LRFN2: variants seen among roughly 807,000 people sequenced by gnomAD.
LRFN2 encodes the protein leucine rich repeat and fibronectin type III domain containing 2.
Under a neutral mutation model 37.3 loss-of-function variants are expected in LRFN2, and 18 were observed. That is an observed-to-expected ratio of 0.48 (90% CI 0.33 to 0.72). The LOEUF is 0.72. LRFN2 is among the 30% of genes least tolerant of loss of function. The probability of loss-of-function intolerance (pLI) is 0.02; values close to 1 mark genes in which losing one functional copy is unlikely to be tolerated. For missense variants in LRFN2, 1,006 were observed against 1,060.7 expected (o/e 0.95, Z 0.72); for synonymous variants, 556 against 466.6 (o/e 1.19, Z -2.47).
chr6:40,515,544 G>A (rs568398615), intron 1 of LRFN2, among the ~76,000 whole-genome samples: 237 of 152,196 alleles, frequency 1.6e-3, no homozygotes, highest in African/African-American at 5.5e-3. Context: ...CACTCTACCT[G>A]CCCACATGGT....
chr6:40,404,179 C>T (rs1579557), intron 2 of LRFN2, among the ~76,000 whole-genome samples: 36,083 of 152,156 alleles, frequency 0.24, 4,841 homozygotes, highest in Non-Finnish European at 0.3. Flanking sequence ...TTTTTATTGC[C>T]CAACAGACAA....
chr6:40,532,306 T>C (rs1766358022), intron 1 of LRFN2, among the ~76,000 whole-genome samples: 1 of 152,246 alleles, frequency 6.6e-6, no homozygotes, highest in Non-Finnish European at 1.5e-5. Context: ...TATAGGAATA[T>C]AATGGACCTA....
chr6:40,538,657 G>T (rs116595000), intron 1 of LRFN2, among the ~76,000 whole-genome samples: 4,030 of 152,290 alleles, frequency 0.026, 160 homozygotes, highest in African/African-American at 0.085. Flanking sequence ...CCTCCCCGGG[G>T]CTATCCCCAT....
At chr6:40,557,706 C>T (rs1044792688) in intron 1 of LRFN2, among the ~76,000 whole-genome samples, 2 of 152,158 alleles carry the variant, frequency 1.3e-5, no homozygotes, top group Non-Finnish European at 1.5e-5. Context: ...GTGTGCAGAT[C>T]CTGGCCCTGC....
At chr6:40,413,599 T>C (rs960098359) in intron 2 of LRFN2, among the ~76,000 whole-genome samples, 9 of 152,174 alleles carry the variant, frequency 5.9e-5, no homozygotes, top group Admixed American at 5.9e-4. Context: ...AGTTATAAAT[T>C]AGAACACTCC....
intron 1 of LRFN2, among the ~76,000 whole-genome samples, chr6:40,520,916 A>T (rs908267137): frequency 1.3e-5 from 2 of 152,054 alleles, no homozygotes; most frequent in Non-Finnish European, 2.9e-5. Flanking sequence ...ACATTATCTC[A>T]GTTCTGTCCC....
chr6:40,483,977 C>T (rs1764893304), intron 1 of LRFN2, among the ~76,000 whole-genome samples: 1 of 152,224 alleles, frequency 6.6e-6, no homozygotes, highest in African/African-American at 2.4e-5. Context: ...TCCCCTCTCC[C>T]TGCCAGGAGT....
chr6:40,392,901 G>T lies in LRFN2; in HGVS notation c.1412C>A (p.Ala471Asp), dbSNP rs1469360385. The T allele has an allele frequency of 1.2e-6, 2 of 1,608,718 alleles. No individual in the cohort carries two copies. The highest frequency in any genetic ancestry group is 1.7e-6 in the Non-Finnish European group (2 of 1,177,326). ...DEVLIYRMIP[A>D]SNKAFVVNNL... Reference sequence around the variant, plus strand: ...GTTGACCACGAAGGCCTTGTTGGAGGCTGGGATCATCCTGGGGAGGGAGGT... The same window carrying T: ...GTTGACCACGAAGGCCTTGTTGGAGTCTGGGATCATCCTGGGGAGGGAGGT... Residue 471 changes from alanine (A) to aspartate (D), a missense_variant, in exon 3 of 3, where the codon GCC becomes GAC. Around this residue, in one of 4 missense-constraint regions of LRFN2, gnomAD observed 120 missense variants for 178.4 expected, o/e 0.67. Coordinates refer to ENST00000338305, the MANE Select transcript of LRFN2 (RefSeq NM_020737.3). The surrounding 1 kb of genome is among the most constrained non-coding windows in gnomAD (Gnocchi z 4.7).
At chr6:40,421,231 A>G (rs576963285) in intron 2 of LRFN2, among the ~76,000 whole-genome samples, 55 of 152,380 alleles carry the variant, frequency 3.6e-4, no homozygotes, top group Non-Finnish European at 6.0e-4. Context: ...ATGCTTTGAC[A>G]GAATTGTGAA....
chr6:40,527,034 GC>G (rs1235865190), intron 1 of LRFN2, among the ~76,000 whole-genome samples: 5 of 152,170 alleles, frequency 3.3e-5, no homozygotes, highest in Non-Finnish European at 5.9e-5. Context: ...GTGAGACAAG[GC>G]CGTAACTCCA....
chr6:40,448,999 C>T lies in LRFN2; in HGVS notation c.-18-15868G>A, dbSNP rs538962804. On this transcript the variant is annotated intron_variant, in intron 1 of 2. Coordinates refer to ENST00000338305, the MANE Select transcript of LRFN2 (RefSeq NM_020737.3). ...CAAAGCAACCAACTCTTCCTTGACA[C>T]GCAGCATTGTGCTCTTCCTCTGTGG... Among the ~76,000 whole-genome samples, 169 of 152,294 alleles carry T rather than the reference C, an allele frequency of 1.1e-3. 1 individual carries two copies. Among genetic ancestry groups the T allele is most frequent in the African/African-American group, 3.7e-3 (154 of 41,558 alleles).
At chr6:40,454,659 A>G (rs992082046) in intron 1 of LRFN2, among the ~76,000 whole-genome samples, 2 of 152,154 alleles carry the variant, frequency 1.3e-5, no homozygotes, top group Admixed American at 1.3e-4. Context: ...TACTTATCTT[A>G]TCAGGACTCT....
intron 1 of LRFN2, among the ~76,000 whole-genome samples, chr6:40,561,081 G>T (rs1766985012): frequency 6.6e-6 from 1 of 152,178 alleles, no homozygotes; most frequent in South Asian, 2.1e-4. Context: ...CAGAAGAGAG[G>T]TACCTTCAAT....
At chr6:40,517,139 A>C (rs1418497689) in intron 1 of LRFN2, among the ~76,000 whole-genome samples, 1 of 152,150 alleles carries the variant, frequency 6.6e-6, no homozygotes, top group East Asian at 1.9e-4. Context: ...CACTCTCCTC[A>C]TCCCTAGCTG....
intron 1 of LRFN2, among the ~76,000 whole-genome samples, chr6:40,540,501 G>A (rs373014188): frequency 9.2e-5 from 14 of 152,048 alleles, no homozygotes; most frequent in South Asian, 4.1e-4. Flanking sequence ...CACTCCACAC[G>A]CTTCAGGAGG....
At chr6:40,496,993 G>A (rs1007423381) in intron 1 of LRFN2, among the ~76,000 whole-genome samples, 25 of 152,120 alleles carry the variant, frequency 1.6e-4, no homozygotes, top group African/African-American at 5.3e-4. Flanking sequence ...ACACCTCCTG[G>A]TGTCGGGTGA....
chr6:40,392,415 G>T lies in LRFN2; in HGVS notation c.1898C>A (p.Ala633Glu). Residue 633 changes from alanine to glutamate, a missense_variant, in exon 3 of 3, where the codon GCG becomes GAG. Coordinates refer to ENST00000338305, the MANE Select transcript of LRFN2 (RefSeq NM_020737.3). The surrounding 1 kb of genome is among the most constrained non-coding windows in gnomAD (Gnocchi z 4.7). ...CCTCCAGGGGGCCCGTCCCAGCCCCGCAGCCTCCCCACTGCCCAGGGAGCT... is the reference window on the plus strand; with the variant it reads ...CCTCCAGGGGGCCCGTCCCAGCCCCTCAGCCTCCCCACTGCCCAGGGAGCT... ...SSSSLGSGEAAGLGRAPWRIP... is the reference protein window; with the variant it reads ...SSSSLGSGEAEGLGRAPWRIP... The T allele has an allele frequency of 6.4e-7, 1 of 1,568,268 alleles. No individual in the cohort carries two copies. The highest frequency in any genetic ancestry group is 8.6e-7 in the Non-Finnish European group (1 of 1,156,840).
intron 1 of LRFN2, among the ~76,000 whole-genome samples, chr6:40,529,828 A>G (rs775250856): frequency 2.0e-4 from 30 of 152,246 alleles, no homozygotes; most frequent in Non-Finnish European, 3.7e-4. Flanking sequence ...CCGGATCACA[A>G]AAGTGCATGC....
intron 2 of LRFN2, among the ~76,000 whole-genome samples, chr6:40,423,421 G>C (rs1763275365): frequency 2.0e-5 from 3 of 152,318 alleles, no homozygotes; most frequent in African/African-American, 4.8e-5. Flanking sequence ...GTATGCCGCT[G>C]TTAACTATGA....
Sources: gnomAD v4.1 joint callset for allele counts (sites outside exome capture counted in the v4.1 genomes callset) on GRCh38, gnomAD v4.1.1 for gene constraint, gnomAD v4.1.1 regional missense constraint, Gnocchi (gnomAD v3.1) non-coding constraint, MANE v1.5 for transcripts, NCBI Gene and HGNC (gene_info 2026-07-23, HGNC 2026-07-21) for gene names.